Variants in FBXO47 observed in about 807,000 individuals in gnomAD.
FBXO47 encodes the protein F-box protein 47.
A neutral mutation model predicts 53.9 loss-of-function variants in FBXO47; 34 were observed. The ratio of observed to expected loss-of-function variants is 0.63; its 90% CI spans 0.48 to 0.84. FBXO47 has a LOEUF of 0.84. Ranked by LOEUF, FBXO47 falls within the 40% of genes least tolerant of loss-of-function variation. The probability of loss-of-function intolerance (pLI) is 0.00; values close to 1 mark genes in which losing one functional copy is unlikely to be tolerated. For synonymous variants in FBXO47, 165 were observed against 181.6 expected (o/e 0.91, Z 0.73); for missense variants, 485 against 541.3 (o/e 0.90, Z 1.03).
intron 6 of FBXO47, among the ~76,000 whole-genome samples, chr17:38,949,486 G>A (rs1905114395): frequency 6.6e-6 from 1 of 152,110 alleles, no homozygotes; most frequent in African/African-American, 2.4e-5. Context: ...AACCATTCAT[G>A]CACAAGTTTC....
intron 3 of FBXO47, 45 bp from the exon 4 acceptor site, chr17:38,957,298 T>G: frequency 7.9e-7 from 1 of 1,270,568 alleles, no homozygotes; most frequent in Non-Finnish European, 1.1e-6. Context: ...ACAATACAAT[T>G]AAGAACATCA....
chr17:38,942,380 G>A (rs1319254070), intron 9 of FBXO47, among the ~76,000 whole-genome samples: 3 of 152,156 alleles, frequency 2.0e-5, no homozygotes, highest in African/African-American at 7.2e-5. Context: ...AGATCATGAG[G>A]TCAGGAGTTC....
intron 4 of FBXO47, among the ~76,000 whole-genome samples, chr17:38,955,184 G>A (rs932357757): frequency 1.3e-5 from 2 of 151,936 alleles, no homozygotes; most frequent in African/African-American, 4.8e-5. Context: ...TCAGGAGATC[G>A]AGACCATCCT....
In FBXO47 at chr17:38,951,687, G is replaced by A; in HGVS notation, c.510C>T (p.Thr170=). ...CAAGTTCATCCCAACCTGCTGTTAA[G>A]GTCTGAGGAAAATAAAGAAAACATT... ...GLTCYGMFLQ[T]LTAGWDELEC... The change falls in exon 6 of 11, where the codon ACC becomes ACT. Residue 170 remains threonine, a splice_region_variant and synonymous_variant. Transcript: ENST00000378079. 1 of 1,606,206 alleles carries A rather than the reference G, an allele frequency of 6.2e-7. No homozygotes were observed. Among genetic ancestry groups the A allele is most frequent in the Non-Finnish European group, 8.5e-7 (1 of 1,174,282 alleles).
intron 3 of FBXO47, among the ~76,000 whole-genome samples, chr17:38,958,743 C>T (rs1473321779): frequency 6.6e-6 from 1 of 152,076 alleles, no homozygotes; most frequent in Non-Finnish European, 1.5e-5. Flanking sequence ...TCTGAAGAAT[C>T]TACAGGAGTC....
rs777622541 is a variant in FBXO47, at chr17:38,957,191, T to A, written c.415A>T (p.Lys139Ter). Residue 139 changes from lysine (K) to a stop codon, truncating the protein, a stop_gained, in exon 4 of 11, where the codon AAG becomes TAG. Transcript: ENST00000378079. LOFTEE classifies it high-confidence loss of function. The stretch of plus-strand genomic sequence containing the variant: ...TATGATCTTACTTCTGTGAGTATCT[T>A]GTGAATGTATTTTAGCCTTTCCTTG... The part of the protein sequence containing the change: ...PTKERLKYIH[K>*]ILTEVSCFKF... 6.2e-6 allele frequency: 10 copies of A among 1,603,906 alleles called. No individual in the cohort carries two copies. Among genetic ancestry groups the A allele is most frequent in the Middle Eastern group, 3.3e-4 (2 of 5,990 alleles).
intron 1 of FBXO47, 60 bp from the exon 2 acceptor site, chr17:38,963,111 A>T (rs1905902708): frequency 1.0e-6 from 1 of 958,468 alleles, no homozygotes; most frequent in African/African-American, 1.7e-5. Context: ...CAAGAAAGAG[A>T]TTTTTTTTTT....
Position 38,951,682 on chromosome 17 carries a change from G to C in FBXO47, c.515C>G (p.Thr172Arg). The change falls in exon 6 of 11, where the codon ACA becomes AGA. Residue 172 changes from threonine to arginine, a missense_variant. Thr to Arg is a moderately conservative substitution (Grantham distance 71). Coordinates refer to ENST00000378079, the MANE Select transcript of FBXO47 (RefSeq NM_001008777.3). ...GCACTCAAGTTCATCCCAACCTGCTGTTAAGGTCTGAGGAAAATAAAGAAA... is the reference window on the plus strand; with the variant it reads ...GCACTCAAGTTCATCCCAACCTGCTCTTAAGGTCTGAGGAAAATAAAGAAA... ...TCYGMFLQTLTAGWDELECHR... is the reference protein window; with the variant it reads ...TCYGMFLQTLRAGWDELECHR... 1 of 1,609,750 alleles carries C rather than the reference G, an allele frequency of 6.2e-7. No individual in the cohort carries two copies. Among genetic ancestry groups the C allele is most frequent in the Non-Finnish European group, 8.5e-7 (1 of 1,176,478 alleles).
chr17:38,950,119 G>A (rs1194620164), intron 6 of FBXO47, among the ~76,000 whole-genome samples: 2 of 151,848 alleles, frequency 1.3e-5, no homozygotes, highest in Non-Finnish European at 2.9e-5. Flanking sequence ...CACTATTTCC[G>A]AAAGTTTTTC....
chr17:38,962,372 T>G (rs1284950252), intron 2 of FBXO47, among the ~76,000 whole-genome samples: 1 of 152,118 alleles, frequency 6.6e-6, no homozygotes, highest in African/African-American at 2.4e-5. Context: ...TCCCAGTACT[T>G]TGGGAGGCCA....
intron 6 of FBXO47, among the ~76,000 whole-genome samples, chr17:38,949,323 G>A (rs1051005884): frequency 6.6e-6 from 1 of 152,082 alleles, no homozygotes; most frequent in Admixed American, 6.6e-5. Flanking sequence ...GGGAGGCTGA[G>A]GTTGGAGGAT....
Position 38,962,961 on chromosome 17 carries a change from C to A in FBXO47, c.65G>T (p.Arg22Leu). The change falls in exon 2 of 11, where the codon CGT becomes CTT. Residue 22 changes from arginine to leucine, a missense_variant. Coordinates refer to ENST00000378079, the MANE Select transcript of FBXO47 (RefSeq NM_001008777.3). The stretch of plus-strand genomic sequence containing the variant: ...GGTCTTGGAATAACAGCTGGTTTGA[C>A]GATTACTACGTCTAAGTTTCTGGTT... ...IPNQKLRRSN[R>L]QTSCYSKTLG... 3 of 1,612,670 alleles carry A rather than the reference C, an allele frequency of 1.9e-6. No homozygotes were observed. The highest frequency in any genetic ancestry group is 2.5e-6 in the Non-Finnish European group (3 of 1,179,124).
chr17:38,958,443 T>C (rs1218616725), intron 3 of FBXO47, among the ~76,000 whole-genome samples: 1 of 148,818 alleles, frequency 6.7e-6, no homozygotes, highest in Non-Finnish European at 1.5e-5. Flanking sequence ...TAAGAATGTA[T>C]AAGATTTTGT....
intron 9 of FBXO47, among the ~76,000 whole-genome samples, chr17:38,940,544 A>G (rs1904458971): frequency 6.6e-6 from 1 of 151,934 alleles, no homozygotes; most frequent in Non-Finnish European, 1.5e-5. Flanking sequence ...ACTCTTCTGC[A>G]GATTCTACCC....
intron 1 of FBXO47, among the ~76,000 whole-genome samples, chr17:38,966,779 G>A (rs1407887603): frequency 6.6e-6 from 1 of 152,070 alleles, no homozygotes; most frequent in African/African-American, 2.4e-5. Context: ...TGGACGTTTC[G>A]TAGGGAAAAA....
At position 38,941,198 on chromosome 17, in the gene FBXO47, A is replaced by G. The variant is rs149671041; in HGVS notation, c.1083+1580T>C. Among the ~76,000 whole-genome samples the G allele has an allele frequency of 4.2e-3, 633 of 151,064 alleles. 16 individuals carry two copies. Among genetic ancestry groups the G allele is most frequent in the African/African-American group, 0.015 (615 of 40,938 alleles). ...TATTTATTTATTTTTTTGAGACAGC[A>G]TCTCACTCTGTCACCTAGGCTGGAG... On this transcript the variant is annotated intron_variant, in intron 9 of 10. Coordinates refer to ENST00000378079, the MANE Select transcript of FBXO47 (RefSeq NM_001008777.3).
chr17:38,943,012 G>A, intron 8 of FBXO47, 92 bp from the exon 9 acceptor site: 3 of 1,123,802 alleles, frequency 2.7e-6, no homozygotes, highest in African/African-American at 1.6e-5. Context: ...TATCTTTATT[G>A]GAAATACAAT....
In FBXO47 at chr17:38,955,342, C is replaced by T. The variant is rs536116368; in HGVS notation, c.430-409G>A. Among the ~76,000 whole-genome samples, 8 of 148,984 alleles carry T rather than the reference C, an allele frequency of 5.4e-5. No homozygotes were observed. In the East Asian group the frequency reaches 1.6e-3, roughly 30 times the overall value. The stretch of plus-strand genomic sequence containing the variant: ...GGCGGAGCTGGCAGTGAGTCGAGAC[C>T]GTGCCATGGCACTCCAGCCTGGGTG... On this transcript the variant is annotated intron_variant, in intron 4 of 10. Coordinates refer to ENST00000378079, the MANE Select transcript of FBXO47 (RefSeq NM_001008777.3).
At chr17:38,960,150 A>G (rs1264103038) in intron 3 of FBXO47, among the ~76,000 whole-genome samples, 2 of 152,068 alleles carry the variant, frequency 1.3e-5, no homozygotes, top group South Asian at 2.1e-4. Flanking sequence ...GTCTGAAAAT[A>G]AGGCTGGATG....
Sources: gnomAD v4.1 joint callset for allele counts (sites outside exome capture counted in the v4.1 genomes callset) on GRCh38, gnomAD v4.1.1 for gene constraint, MANE v1.5 for transcripts, NCBI Gene and HGNC (gene_info 2026-07-23, HGNC 2026-07-21) for gene names.